Variants in PARD3B observed in about 807,000 individuals in gnomAD.
PARD3B encodes partitioning defective 3 homolog B.
In PARD3B, 103 loss-of-function variants were observed where a neutral mutation model predicts 130.2. The observed-to-expected ratio is 0.79, with a 90% CI of 0.67 to 0.93. The LOEUF (loss-of-function observed/expected upper bound fraction) is 0.93, where lower values mean the gene tolerates loss of function less well. Among genes scored for constraint, PARD3B ranks in the 40% least tolerant of loss-of-function variants. PARD3B has a pLI of 0.00. For synonymous variants in PARD3B, 583 were observed against 553.2 expected (o/e 1.05, Z -0.76); for missense variants, 1,609 against 1,499.2 (o/e 1.07, Z -1.21).
intron 2 of PARD3B, among the ~76,000 whole-genome samples, chr2:204,714,858 T>TTGGA (rs2038644727): frequency 6.6e-6 from 1 of 152,196 alleles, no homozygotes; most frequent in Non-Finnish European, 1.5e-5. Flanking sequence ...AATTTGACAA[T>TTGGA]ATGTTATAGT....
At chr2:204,709,366 C>CA (rs1353221179) in intron 2 of PARD3B, among the ~76,000 whole-genome samples, 3 of 152,202 alleles carry the variant, frequency 2.0e-5, no homozygotes, top group Admixed American at 2.0e-4. Context: ...TTCTGCCAGA[C>CA]TGCTGTGGAA....
intron 1 of PARD3B, among the ~76,000 whole-genome samples, chr2:204,620,891 G>T (rs2034276255): frequency 7.7e-6 from 1 of 130,006 alleles, no homozygotes; most frequent in Non-Finnish European, 1.7e-5. Flanking sequence ...TATTCTGAGT[G>T]CCCTTTCCCT....
chr2:205,114,265 G>A (rs1199203459), intron 6 of PARD3B, among the ~76,000 whole-genome samples: 1 of 152,054 alleles, frequency 6.6e-6, no homozygotes, highest in Non-Finnish European at 1.5e-5. Context: ...AAATTAAAGT[G>A]TGTGCCACAG....
At chr2:205,186,419 A>G (rs923467194) in intron 14 of PARD3B, among the ~76,000 whole-genome samples, 1 of 152,200 alleles carries the variant, frequency 6.6e-6, no homozygotes, top group Non-Finnish European at 1.5e-5. Context: ...TACTAAGCAT[A>G]CATACTATTT....
chr2:205,433,173 TA>T (rs2047395297), intron 19 of PARD3B, among the ~76,000 whole-genome samples: 1 of 152,216 alleles, frequency 6.6e-6, no homozygotes, highest in Admixed American at 6.5e-5. Flanking sequence ...CTAAATTTGT[TA>T]GTTTATAAAA....
intron 22 of PARD3B, among the ~76,000 whole-genome samples, chr2:205,594,099 G>T (rs1032881973): frequency 1.3e-5 from 2 of 152,176 alleles, no homozygotes; most frequent in Non-Finnish European, 2.9e-5. Context: ...GAGCCTGTGT[G>T]GTTTCTGGCA....
chr2:204,697,674 T>G (rs2037679925), intron 2 of PARD3B, among the ~76,000 whole-genome samples: 2 of 152,240 alleles, frequency 1.3e-5, no homozygotes, highest in East Asian at 3.9e-4. Context: ...TAGTCCGTTG[T>G]GATACAGTGT....
intron 2 of PARD3B, among the ~76,000 whole-genome samples, chr2:204,866,018 C>T (rs1281747157): frequency 1.3e-5 from 2 of 152,220 alleles, no homozygotes; most frequent in African/African-American, 2.4e-5. Flanking sequence ...AATCCACCTG[C>T]TTCCCATTCA....
chr2:204,630,658 T>C (rs1256803627), intron 1 of PARD3B, among the ~76,000 whole-genome samples: 4 of 152,180 alleles, frequency 2.6e-5, no homozygotes, highest in South Asian at 4.1e-4. Flanking sequence ...GATAAAGAGT[T>C]GTGATGGGAA....
rs1317669399 is a variant in PARD3B at position 205,440,278 on chromosome 2, G to A, written c.2742-92G>A. The A allele has an allele frequency of 8.6e-6, 11 of 1,274,350 alleles. No homozygotes were observed. Among genetic ancestry groups the A allele is most frequent in the African/African-American group, 6.0e-5 (4 of 67,034 alleles). The allele number at this position is 1,274,350 out of a possible 1,614,324, so 78.9% of individuals were successfully genotyped here. A position where few individuals can be genotyped will look rare whatever the true frequency, so the allele number is the denominator to read the frequency against. On this transcript the variant is annotated intron_variant, in intron 19 of 22. Transcript: ENST00000406610. The surrounding 1 kb of genome is among the most constrained non-coding windows in gnomAD (Gnocchi z 4.2). ...AACAGGAGAATGACAGCTAAGAGACGAGGAAGAGTTAACATAAATTCAAGA... is the reference window on the plus strand; with the variant it reads ...AACAGGAGAATGACAGCTAAGAGACAAGGAAGAGTTAACATAAATTCAAGA...
intron 1 of PARD3B, among the ~76,000 whole-genome samples, chr2:204,640,522 A>G (rs181118004): frequency 6.6e-6 from 1 of 152,282 alleles, no homozygotes; most frequent in African/African-American, 2.4e-5. Flanking sequence ...CATTCTGGTA[A>G]CTGTTCCCTT....
chr2:204,935,377 A>AAC (rs1354320492), intron 2 of PARD3B, among the ~76,000 whole-genome samples: 1 of 148,914 alleles, frequency 6.7e-6, no homozygotes, highest in African/African-American at 2.4e-5. Flanking sequence ...AAAATACAAA[A>AAC]AAAAAAAAAA....
chr2:204,846,094 C>T (rs116305185), intron 2 of PARD3B, among the ~76,000 whole-genome samples: 1,594 of 151,874 alleles, frequency 0.01, 27 homozygotes, highest in African/African-American at 0.036. Flanking sequence ...AAAAAAAATG[C>T]AAAGGTTTTG....
At chr2:204,703,522 T>A (rs1193658854) in intron 2 of PARD3B, among the ~76,000 whole-genome samples, 1 of 152,212 alleles carries the variant, frequency 6.6e-6, no homozygotes, top group East Asian at 1.9e-4. Context: ...ATGTTTTAAT[T>A]TCTGTAGAGT....
chr2:205,293,953 T>C (rs192849661), intron 16 of PARD3B: 101 of 152,254 alleles, frequency 6.6e-4, no homozygotes, highest in African/African-American at 2.4e-3. Flanking sequence ...TAGGAAAATT[T>C]CCCACACTGG....
chr2:204,603,399 G>C (rs2125107618), intron 1 of PARD3B, among the ~76,000 whole-genome samples: 1 of 152,142 alleles, frequency 6.6e-6, no homozygotes, highest in Non-Finnish European at 1.5e-5. Flanking sequence ...CATACAAACT[G>C]TTTCAGTGGT....
intron 2 of PARD3B, among the ~76,000 whole-genome samples, chr2:204,926,017 A>G (rs1440993381): frequency 6.6e-6 from 1 of 152,048 alleles, no homozygotes; most frequent in African/African-American, 2.4e-5. Flanking sequence ...ACTGTGAGTC[A>G]ATTAAACCTC....
At chr2:204,586,488 A>G (rs1003981321) in intron 1 of PARD3B, among the ~76,000 whole-genome samples, 1 of 152,204 alleles carries the variant, frequency 6.6e-6, no homozygotes, top group African/African-American at 2.4e-5. Context: ...GGCTACCAGC[A>G]AGGGAGTTGT....
At chr2:204,572,018 T>C (rs935732670) in intron 1 of PARD3B, among the ~76,000 whole-genome samples, 2 of 152,108 alleles carry the variant, frequency 1.3e-5, no homozygotes, top group Non-Finnish European at 2.9e-5. Flanking sequence ...AAAGGAAATA[T>C]CATTTTCTCC....
Sources: gnomAD v4.1 joint callset for allele counts (sites outside exome capture counted in the v4.1 genomes callset) on GRCh38, gnomAD v4.1.1 for gene constraint, Gnocchi (gnomAD v3.1) non-coding constraint, MANE v1.5 for transcripts, NCBI Gene and HGNC (gene_info 2026-07-23, HGNC 2026-07-21) for gene names.